TMBIM1: variants seen among roughly 807,000 people sequenced by gnomAD.
TMBIM1 encodes the protein transmembrane BAX inhibitor motif containing 1.
A neutral mutation model predicts 45.1 loss-of-function variants in TMBIM1; 34 were observed. The ratio of observed to expected loss-of-function variants is 0.75; its 90% CI spans 0.57 to 1.00. The LOEUF (loss-of-function observed/expected upper bound fraction) is 1.00, where lower values mean the gene tolerates loss of function less well. Ranked by LOEUF, TMBIM1 falls within the 50% of genes least tolerant of loss-of-function variation. TMBIM1 has a pLI of 0.00. For synonymous variants in TMBIM1, 157 were observed against 153.5 expected (o/e 1.02, Z -0.17); for missense variants, 374 against 402.4 (o/e 0.93, Z 0.60).
chr2:218,278,019 A>G (rs1300396110), intron 6 of TMBIM1, 45 bp from the exon 7 acceptor site: 1 of 1,606,570 alleles, frequency 6.2e-7, no homozygotes, highest in Non-Finnish European at 8.5e-7. Flanking sequence ...GGGGCCCCTC[A>G]GGCGTCAGAG....
At chr2:218,284,000 C>A (rs62182826) in intron 1 of TMBIM1, 71,482 of 151,818 alleles carry the variant, frequency 0.47, 18,679 homozygotes, top group South Asian at 0.63. Flanking sequence ...ACCTGCTCTA[C>A]TAAAAATGCA....
At chr2:218,289,625 GAAAA>G (rs10675061) in intron 1 of TMBIM1, among the ~76,000 whole-genome samples, 91 of 87,768 alleles carry the variant, frequency 1.0e-3, no homozygotes, top group African/African-American at 3.4e-3. Flanking sequence ...CTGGGCGACA[GAAAA>G]AAAAAAAAAA....
At chr2:218,278,328 G>A (rs1242048989) in intron 6 of TMBIM1, 187 bp downstream of exon 6, 2 of 643,134 alleles carry the variant, frequency 3.1e-6, no homozygotes, top group South Asian at 3.9e-5. Context: ...AAGAGTGACA[G>A]CTAGTTAGCT....
At chr2:218,282,282 G>A in intron 1 of TMBIM1, 101 bp from the exon 2 acceptor site, 2 of 651,578 alleles carry the variant, frequency 3.1e-6, no homozygotes, top group Non-Finnish European at 4.9e-6. Flanking sequence ...TCCGTGGAGA[G>A]GAACACCACC....
At position 218,278,510 on chromosome 2, in the gene TMBIM1, C is replaced by T; in HGVS notation, c.473+5G>A. The T allele has an allele frequency of 6.2e-7, 1 of 1,614,136 alleles. No homozygotes were observed. Among genetic ancestry groups the T allele is most frequent in the African/African-American group, 1.3e-5 (1 of 75,052 alleles). On this transcript the variant is annotated splice_donor_5th_base_variant and intron_variant, in intron 6 of 11. Coordinates refer to ENST00000258412, the MANE Select transcript of TMBIM1 (RefSeq NM_022152.6). ...CTCTCACTGTGTTAAGTCTCTGGGA[C>T]TCACCTGGGTCCCTGGCAGCAGGCA...
chr2:218,282,890 A>G (rs1692169212), intron 1 of TMBIM1, among the ~76,000 whole-genome samples: 1 of 152,182 alleles, frequency 6.6e-6, no homozygotes, highest in African/African-American at 2.4e-5. Flanking sequence ...GGTTCCTTCA[A>G]ATAACAGCGG....
intron 1 of TMBIM1, chr2:218,286,471 T>C (rs540648438): frequency 6.6e-6 from 1 of 152,344 alleles, no homozygotes; most frequent in Admixed American, 6.5e-5. Flanking sequence ...TTGCCCATTA[T>C]AGATCTAAGT....
intron 2 of TMBIM1, chr2:218,280,366 G>A (rs1211013479): frequency 4.3e-6 from 2 of 459,862 alleles, no homozygotes; most frequent in African/African-American, 4.0e-5. Flanking sequence ...GCTCCTGTGT[G>A]CCCAGCCCAC....
chr2:218,278,514 C>A lies in TMBIM1; in HGVS notation c.473+1G>T. On this transcript the variant is annotated splice_donor_variant, in intron 6 of 11. Coordinates refer to ENST00000258412, the MANE Select transcript of TMBIM1 (RefSeq NM_022152.6). LOFTEE classifies it high-confidence loss of function. The stretch of plus-strand genomic sequence containing the variant: ...CACTGTGTTAAGTCTCTGGGACTCA[C>A]CTGGGTCCCTGGCAGCAGGCAAGGA... 1.9e-6 allele frequency: 3 copies of A among 1,614,126 alleles called. No homozygotes were observed. Among genetic ancestry groups the A allele is most frequent in the South Asian group, 2.2e-5 (2 of 91,090 alleles).
At chr2:218,288,744 G>A (rs1437204860) in intron 1 of TMBIM1, among the ~76,000 whole-genome samples, 4 of 152,118 alleles carry the variant, frequency 2.6e-5, no homozygotes, top group Non-Finnish European at 2.9e-5. Flanking sequence ...CATGGCTATC[G>A]TGACTATATG....
At chr2:218,288,257 T>A (rs541087626) in intron 1 of TMBIM1, among the ~76,000 whole-genome samples, 112 of 152,220 alleles carry the variant, frequency 7.4e-4, no homozygotes, top group African/African-American at 2.3e-3. Context: ...TGAAACCCCA[T>A]CTCTACTAAA....
rs754878499 is a variant in TMBIM1, at chr2:218,276,971, G to A, written c.735+33C>T. 2.5e-5 allele frequency: 39 copies of A among 1,588,660 alleles called. No homozygotes were observed. In the Admixed American group the frequency reaches 2.5e-4, roughly 10 times the overall value. ...ATAGGAAGTCTGCCCTGAGCACTGG[G>A]TTCCCTGACCCCAGCTCTCCTGGGA... On this transcript the variant is annotated intron_variant, in intron 10 of 11. Transcript: ENST00000258412.
At chr2:218,282,478 A>G (rs1692118246) in intron 1 of TMBIM1, among the ~76,000 whole-genome samples, 2 of 152,232 alleles carry the variant, frequency 1.3e-5, no homozygotes, top group Non-Finnish European at 1.5e-5. Flanking sequence ...GGAGCCTGGG[A>G]ACTCCCTGTT....
chr2:218,281,790 AAGAC>A (rs1181723115), intron 2 of TMBIM1, 146 bp downstream of exon 2: 1 of 750,212 alleles, frequency 1.3e-6, no homozygotes, highest in African/African-American at 1.8e-5. Flanking sequence ...GAGGGTAACA[AAGAC>A]AGAAACAGAG....
intron 1 of TMBIM1, among the ~76,000 whole-genome samples, chr2:218,287,924 A>T (rs1692647794): frequency 6.6e-6 from 1 of 152,202 alleles, no homozygotes; most frequent in African/African-American, 2.4e-5. Flanking sequence ...TGTGATCAGA[A>T]TGGTAATCTC....
intron 1 of TMBIM1, chr2:218,290,230 C>G (rs183305435): frequency 6.6e-6 from 1 of 152,344 alleles, no homozygotes; most frequent in East Asian, 1.9e-4. Context: ...GCATATTCTG[C>G]CCCTGAGAAG....
rs772811571 is a variant in TMBIM1, at chr2:218,277,926, T to C, written c.513+9A>G. 3.1e-6 allele frequency: 5 copies of C among 1,614,022 alleles called. No individual in the cohort carries two copies. The Admixed American group carries it at 5.0e-5, about 16-fold the overall frequency. On this transcript the variant is annotated intron_variant, in intron 7 of 11. Coordinates refer to ENST00000258412, the MANE Select transcript of TMBIM1 (RefSeq NM_022152.6). Reference sequence around the variant, plus strand: ...TCTCCACACCCTCCTGCCACCCTTCTAGACTTACAAAAAGGGTCAGCAGAA... The same window carrying C: ...TCTCCACACCCTCCTGCCACCCTTCCAGACTTACAAAAAGGGTCAGCAGAA...
Position 218,277,473 on chromosome 2 carries a change from A to G in TMBIM1, c.552-20T>C, listed in dbSNP as rs368847642. ...TACATACTGGGGAGAAGCAGGAGTT[A>G]CAGACAAGAGGCATTAAGCCACGTA... is the stretch of plus-strand genomic sequence containing the variant. On this transcript the variant is annotated intron_variant, in intron 8 of 11. Coordinates refer to ENST00000258412, the MANE Select transcript of TMBIM1 (RefSeq NM_022152.6). The G allele has an allele frequency of 1.7e-4, 274 of 1,613,624 alleles. 1 individual carries two copies. Among genetic ancestry groups the G allele is most frequent in the Admixed American group, 1.8e-4 (11 of 60,006 alleles).
At chr2:218,282,601 A>G (rs1434389861) in intron 1 of TMBIM1, among the ~76,000 whole-genome samples, 1 of 152,222 alleles carries the variant, frequency 6.6e-6, no homozygotes, top group African/African-American at 2.4e-5. Context: ...GGACCCTCTG[A>G]AAGGGTCAGC....
Sources: gnomAD v4.1 joint callset for allele counts (sites outside exome capture counted in the v4.1 genomes callset) on GRCh38, gnomAD v4.1.1 for gene constraint, MANE v1.5 for transcripts, NCBI Gene and HGNC (gene_info 2026-07-23, HGNC 2026-07-21) for gene names.